Variants in GRXCR1 observed in about 807,000 individuals in gnomAD.
The protein encoded by GRXCR1 is glutaredoxin domain-containing cysteine-rich protein 1.
Under a neutral mutation model 27.3 loss-of-function variants are expected in GRXCR1, and 27 were observed. The ratio of observed to expected loss-of-function variants is 0.99; its 90% CI spans 0.73 to 1.37. The LOEUF is 1.37. Ranked by LOEUF, GRXCR1 falls within the 40% of genes most tolerant of loss-of-function variation. The pLI, the probability that GRXCR1 is intolerant of heterozygous loss-of-function variation, is 0.00. For synonymous variants in GRXCR1, 122 were observed against 131.1 expected (o/e 0.93, Z 0.47); for missense variants, 379 against 354.4 (o/e 1.07, Z -0.56).
In GRXCR1 at chr4:42,902,756, G is replaced by T. The variant is rs371245511; in HGVS notation, c.384+9106G>T. 3.9e-4 allele frequency among the ~76,000 whole-genome samples: 60 copies of T among 152,264 alleles called. 1 individual carries two copies. The South Asian group carries it at 0.01, about 26-fold the overall frequency. On this transcript the variant is annotated intron_variant, in intron 1 of 3. Transcript: ENST00000399770. ...GCTGGGCTTAACACCTAGGTGATGGGATGATCTGTGCAGCAAACCACCATG... is the reference window on the plus strand; with the variant it reads ...GCTGGGCTTAACACCTAGGTGATGGTATGATCTGTGCAGCAAACCACCATG...
At chr4:42,894,425 A>G (rs746698567) in intron 1 of GRXCR1, among the ~76,000 whole-genome samples, 8 of 152,138 alleles carry the variant, frequency 5.3e-5, no homozygotes, top group Non-Finnish European at 1.2e-4. Flanking sequence ...AACAGATATC[A>G]TTATGTCGGG....
intron 1 of GRXCR1, among the ~76,000 whole-genome samples, chr4:42,924,870 G>A (rs1747118626): frequency 6.6e-6 from 1 of 152,024 alleles, no homozygotes; most frequent in Admixed American, 6.6e-5. Flanking sequence ...ATTACATCTG[G>A]CGTCAGGGAA....
chr4:42,963,808 A>T (rs1041682528), intron 2 of GRXCR1, among the ~76,000 whole-genome samples: 1 of 151,962 alleles, frequency 6.6e-6, no homozygotes, highest in African/African-American at 2.4e-5. Context: ...TACACTTTGG[A>T]AAAGGTGAGA....
intron 2 of GRXCR1, among the ~76,000 whole-genome samples, chr4:42,967,835 T>C (rs977469297): frequency 2.6e-5 from 4 of 152,162 alleles, no homozygotes; most frequent in Non-Finnish European, 4.4e-5. Flanking sequence ...GAATAGTGTT[T>C]GGTCTAAAGC....
chr4:43,022,309 C>T (rs1404538168), intron 3 of GRXCR1, among the ~76,000 whole-genome samples: 5 of 152,072 alleles, frequency 3.3e-5, no homozygotes, highest in Non-Finnish European at 7.4e-5. Flanking sequence ...TTTCTTTGTA[C>T]AGATTGATGA....
At chr4:42,932,109 A>G (rs1188335006) in intron 1 of GRXCR1, among the ~76,000 whole-genome samples, 1 of 151,980 alleles carries the variant, frequency 6.6e-6, no homozygotes, top group African/African-American at 2.4e-5. Context: ...GGGAGCTACA[A>G]TTCAAGATGA....
At position 42,903,455 on chromosome 4, in the gene GRXCR1, G is replaced by A. The variant is rs938736022; in HGVS notation, c.384+9805G>A. On this transcript the variant is annotated intron_variant, in intron 1 of 3. Coordinates refer to ENST00000399770, the MANE Select transcript of GRXCR1 (RefSeq NM_001080476.3). ...GCCTCCCAAGTAGCTGGGACTACAG[G>A]CACCCACCACCACGCCAGGCTAATT... 6.9e-5 allele frequency among the ~76,000 whole-genome samples: 10 copies of A among 145,468 alleles called. 1 individual carries two copies. The highest frequency in any genetic ancestry group is 2.2e-4 in the African/African-American group (9 of 40,002).
chr4:42,914,627 T>C (rs1246261968), intron 1 of GRXCR1, among the ~76,000 whole-genome samples: 1 of 152,154 alleles, frequency 6.6e-6, no homozygotes, highest in Non-Finnish European at 1.5e-5. Context: ...AGGGGACTGT[T>C]GGAAGGGCAG....
chr4:42,901,884 A>C (rs886696312), intron 1 of GRXCR1, among the ~76,000 whole-genome samples: 2 of 152,172 alleles, frequency 1.3e-5, no homozygotes, highest in Non-Finnish European at 2.9e-5. Flanking sequence ...GGCTGAAAGG[A>C]TGGTAATAAA....
rs924038360 is a variant in GRXCR1, at chr4:42,893,745, G to T, written c.384+95G>T. 9 of 1,169,968 alleles carry T rather than the reference G, an allele frequency of 7.7e-6. No homozygotes were observed. In the African/African-American group the frequency reaches 1.1e-4, roughly 14 times the overall value. The allele number at this position is 1,169,968 out of a possible 1,614,324, so 72.5% of individuals were successfully genotyped here. A position where few individuals can be genotyped will look rare whatever the true frequency, so the allele number is the denominator to read the frequency against. The stretch of plus-strand genomic sequence containing the variant: ...CAGTTAAAGCAAGCCTCTCTTATTT[G>T]CAACTCCTACATGCTTCATGAGACG... On this transcript the variant is annotated intron_variant, in intron 1 of 3. Coordinates refer to ENST00000399770, the MANE Select transcript of GRXCR1 (RefSeq NM_001080476.3).
intron 2 of GRXCR1, among the ~76,000 whole-genome samples, chr4:43,004,188 A>C (rs1053107396): frequency 2.6e-5 from 4 of 152,250 alleles, no homozygotes; most frequent in African/African-American, 9.6e-5. Context: ...TTAAGCCTCA[A>C]GCCTTGGTGG....
chr4:42,930,996 C>T (rs1747291875), intron 1 of GRXCR1, among the ~76,000 whole-genome samples: 1 of 151,862 alleles, frequency 6.6e-6, no homozygotes, highest in South Asian at 2.1e-4. Flanking sequence ...TGAGTGATGA[C>T]ATGGAATATA....
At chr4:42,949,148 G>A (rs972395372) in intron 1 of GRXCR1, among the ~76,000 whole-genome samples, 2 of 151,850 alleles carry the variant, frequency 1.3e-5, no homozygotes, top group African/African-American at 2.4e-5. Context: ...GAGGTCAGGA[G>A]ATCGAGACCC....
chr4:42,997,524 G>C (rs1428828839), intron 2 of GRXCR1, among the ~76,000 whole-genome samples: 1 of 152,156 alleles, frequency 6.6e-6, no homozygotes, highest in Admixed American at 6.5e-5. Flanking sequence ...TGCTCCTCCA[G>C]GGTCATCTAA....
intron 2 of GRXCR1, among the ~76,000 whole-genome samples, chr4:43,015,510 A>G (rs1454998915): frequency 2.0e-5 from 3 of 152,082 alleles, no homozygotes; most frequent in Non-Finnish European, 4.4e-5. Context: ...TATTATGTCA[A>G]CCAGTCCATC....
In GRXCR1 at chr4:42,962,891, G is replaced by A. The variant is rs865779528; in HGVS notation, c.385-1G>A. The A allele has an allele frequency of 1.2e-6, 2 of 1,612,388 alleles. No homozygotes were observed. The highest frequency in any genetic ancestry group is 3.3e-5 in the Admixed American group (2 of 59,870). Reference sequence around the variant, plus strand: ...CTTACAACTCAATGTTTTCCCTTCAGCAACCATCAACTGATCTAGAATTTG... The same window carrying A: ...CTTACAACTCAATGTTTTCCCTTCAACAACCATCAACTGATCTAGAATTTG... On this transcript the variant is annotated splice_acceptor_variant, in intron 1 of 3. Coordinates refer to ENST00000399770, the MANE Select transcript of GRXCR1 (RefSeq NM_001080476.3). LOFTEE classifies it high-confidence loss of function.
intron 2 of GRXCR1, among the ~76,000 whole-genome samples, chr4:43,002,323 C>A (rs1284300584): frequency 1.3e-5 from 2 of 152,270 alleles, no homozygotes. Flanking sequence ...GGGCAGAGGT[C>A]CCTGCGGCTT....
chr4:42,942,691 C>A (rs1252475389), intron 1 of GRXCR1, among the ~76,000 whole-genome samples: 3 of 152,068 alleles, frequency 2.0e-5, no homozygotes, highest in Admixed American at 6.6e-5. Flanking sequence ...GGTCTGGGAC[C>A]TGCATCACAG....
At chr4:43,013,012 C>CA (rs200723923) in intron 2 of GRXCR1, among the ~76,000 whole-genome samples, 27 of 151,516 alleles carry the variant, frequency 1.8e-4, no homozygotes, top group East Asian at 9.7e-4. Context: ...CTGTTATAAG[C>CA]AAAAAAAATA....
Sources: gnomAD v4.1 joint callset for allele counts (sites outside exome capture counted in the v4.1 genomes callset) on GRCh38, gnomAD v4.1.1 for gene constraint, MANE v1.5 for transcripts, NCBI Gene and HGNC (gene_info 2026-07-23, HGNC 2026-07-21) for gene names.